The following RYR1 variants were observed in gnomAD, a reference collection of about 807,000 sequenced individuals.
RYR1 encodes ryanodine receptor 1.
A neutral mutation model predicts 583.5 loss-of-function variants in RYR1; 342 were observed. The ratio of observed to expected loss-of-function variants is 0.59; its 90% CI spans 0.54 to 0.64. The LOEUF is 0.64. Among genes scored for constraint, RYR1 ranks in the 30% least tolerant of loss-of-function variants. The pLI, the probability that RYR1 is intolerant of heterozygous loss-of-function variation, is 0.00. For synonymous variants in RYR1, 2,791 were observed against 2,822.5 expected (o/e 0.99, Z 0.35); for missense variants, 6,032 against 6,917.2 (o/e 0.87, Z 4.54).
chr19:38,546,429 G>C lies in RYR1; in HGVS notation c.12013-16G>C. The C allele has an allele frequency of 6.2e-7, 1 of 1,612,624 alleles. No individual in the cohort carries two copies. The highest frequency in any genetic ancestry group is 1.1e-5 in the South Asian group (1 of 91,042). ...GTGTATGCTGAGACCAGCCCTCACC[G>C]AGCTGGGATCTCTAGGACTCAAGCC... On this transcript the variant is annotated splice_polypyrimidine_tract_variant and intron_variant, in intron 87 of 105. Transcript: ENST00000359596.
At position 38,543,368 on chromosome 19, in the gene RYR1, C is replaced by T; in HGVS notation, c.11711C>T (p.Thr3904Ile). 6.2e-7 allele frequency: 1 copy of T among 1,614,214 alleles called. No individual in the cohort carries two copies. Among genetic ancestry groups the T allele is most frequent in the Non-Finnish European group, 8.5e-7 (1 of 1,180,050 alleles). Reference sequence around the variant, plus strand: ...CCAGATTTCCAGAACTACCTACGGACACAGACAGGGAACACGACCACTATT... The same window carrying T: ...CCAGATTTCCAGAACTACCTACGGATACAGACAGGGAACACGACCACTATT... ...HNNDFQNYLR[T>I]QTGNTTTINI... Residue 3904 changes from threonine to isoleucine, a missense_variant, in exon 85 of 106, where the codon ACA (threonine) becomes ATA (isoleucine). Thr to Ile is a moderately conservative substitution (Grantham distance 89). Coordinates refer to ENST00000359596, the MANE Select transcript of RYR1 (RefSeq NM_000540.3). This position sits in a 1 kb window ranked among gnomAD's most constrained non-coding sequence, Gnocchi z 4.4.
chr19:38,447,306 C>T (rs558646905), intron 9 of RYR1, among the ~76,000 whole-genome samples: 6 of 152,078 alleles, frequency 3.9e-5, no homozygotes, highest in Admixed American at 2.6e-4. Context: ...TTTGGGAGGC[C>T]GAGGCAGGTG....
chr19:38,532,795 TC>T, intron 78 of RYR1, 59 bp downstream of exon 78: 1 of 1,520,132 alleles, frequency 6.6e-7, no homozygotes. Context: ...TGCAGTCATC[TC>T]CCATTCATTC....
intron 65 of RYR1, among the ~76,000 whole-genome samples, chr19:38,516,842 A>T (rs1156333003): frequency 6.6e-6 from 1 of 152,200 alleles, no homozygotes; most frequent in Non-Finnish European, 1.5e-5. Flanking sequence ...TCCAGAGGCT[A>T]GAATGAGGTG....
At chr19:38,513,713 G>A (rs1303933314) in intron 63 of RYR1, among the ~76,000 whole-genome samples, 1 of 151,412 alleles carries the variant, frequency 6.6e-6, no homozygotes, top group African/African-American at 2.4e-5. Flanking sequence ...TCCAGCTTGG[G>A]CGACAGAGCA....
intron 25 of RYR1, 77 bp downstream of exon 25, chr19:38,467,889 G>A: frequency 1.4e-6 from 2 of 1,418,706 alleles, no homozygotes; most frequent in Non-Finnish European, 2.0e-6. Flanking sequence ...CCCTGCCTCT[G>A]TCTGTGCCTC....
At chr19:38,563,074 T>C (rs905649155) in intron 90 of RYR1, among the ~76,000 whole-genome samples, 12 of 152,136 alleles carry the variant, frequency 7.9e-5, no homozygotes, top group African/African-American at 2.9e-4. Context: ...CTGGGGGAGC[T>C]CTGCCCTCCT....
At chr19:38,566,881 A>G in intron 91 of RYR1, 30 bp from the exon 92 acceptor site, 3 of 1,588,842 alleles carry the variant, frequency 1.9e-6, no homozygotes, top group Non-Finnish European at 2.6e-6. Context: ...TAGGGTGAGG[A>G]CTCAGCCCTG....
intron 13 of RYR1, 90 bp from the exon 14 acceptor site, chr19:38,455,145 T>G: frequency 6.8e-7 from 1 of 1,462,662 alleles, no homozygotes; most frequent in Non-Finnish European, 9.6e-7. Flanking sequence ...CACTAGTTGT[T>G]GAAGGAATAT....
Position 38,543,749 on chromosome 19 carries a change from C to CCA in RYR1, c.11908-22_11908-21insCA. On this transcript the variant is annotated intron_variant, in intron 86 of 105. Coordinates refer to ENST00000359596, the MANE Select transcript of RYR1 (RefSeq NM_000540.3). This position sits in a 1 kb window ranked among gnomAD's most constrained non-coding sequence, Gnocchi z 4.4. ...CCTTCTCGGGGATTCCCTTCCCCCC[C>CCA]ACACGGCACTCTGCCTCCCAGGGTC... 1 of 1,611,780 alleles carries CCA rather than the reference C, an allele frequency of 6.2e-7. No individual in the cohort carries two copies. Among genetic ancestry groups the CCA allele is most frequent in the Admixed American group, 1.7e-5 (1 of 60,016 alleles).
At chr19:38,477,569 G>A in intron 29 of RYR1, 141 bp from the exon 30 acceptor site, 1 of 943,024 alleles carries the variant, frequency 1.1e-6, no homozygotes. Context: ...GACATAACCA[G>A]GGGGTGGGGG....
intron 27 of RYR1, among the ~76,000 whole-genome samples, chr19:38,472,746 C>T (rs902358141): frequency 6.7e-6 from 1 of 149,452 alleles, no homozygotes; most frequent in Non-Finnish European, 1.5e-5. Flanking sequence ...GGCGTGTTGG[C>T]TCATGCTTGA....
intron 47 of RYR1, 45 bp from the exon 48 acceptor site, chr19:38,502,462 C>A: frequency 6.4e-7 from 1 of 1,557,180 alleles, no homozygotes; most frequent in Non-Finnish European, 8.7e-7. Flanking sequence ...CCAGAGCAGC[C>A]CCAGGGGTGT....
intron 90 of RYR1, among the ~76,000 whole-genome samples, chr19:38,562,610 T>C (rs1181818047): frequency 6.6e-6 from 1 of 152,146 alleles, no homozygotes; most frequent in Non-Finnish European, 1.5e-5. Flanking sequence ...CACAGAGCCC[T>C]GTCCTCATGT....
Position 38,584,989 on chromosome 19 carries a change from T to C in RYR1, c.14693T>C (p.Ile4898Thr), listed in dbSNP as rs118192170. Residue 4898 changes from isoleucine to threonine, a missense_variant, in exon 102 of 106, where the codon ATT becomes ACT. Physicochemically the swap from Ile to Thr is moderately conservative, Grantham distance 89 (BLOSUM62 -1). This residue lies in a region of RYR1 where 189 missense variants were observed against 350.3 expected (regional missense o/e 0.54). Transcript: ENST00000359596. ...MYVGVRAGGG[I>T]GDEIEDPAGD... ...GTGGGTGTCCGGGCTGGCGGAGGCA[T>C]TGGGGACGAGATCGAGGACCCCGCG... 1 of 1,614,012 alleles carries C rather than the reference T, an allele frequency of 6.2e-7. No homozygotes were observed. The highest frequency in any genetic ancestry group is 8.5e-7 in the Non-Finnish European group (1 of 1,179,980).
At position 38,469,033 on chromosome 19, in the gene RYR1, G is replaced by A. The variant is rs1180657676; in HGVS notation, c.3449G>A (p.Cys1150Tyr). 2 of 1,614,174 alleles carry A rather than the reference G, an allele frequency of 1.2e-6. No homozygotes were observed. The highest frequency in any genetic ancestry group is 1.3e-5 in the African/African-American group (1 of 75,048). The part of the protein sequence containing the change: ...RPWQPGDVVG[C>Y]MIDLTENTII... ...TGGCAGCCGGGCGATGTCGTTGGCT[G>A]TATGATCGACCTCACAGAGAACACC... The change falls in exon 26 of 106, where the codon TGT (cysteine) becomes TAT (tyrosine). Residue 1150 changes from cysteine to tyrosine, a missense_variant. By Grantham distance (194) the Cys-to-Tyr change is radical (BLOSUM62 -2). Around this residue, in one of 11 missense-constraint regions of RYR1, gnomAD observed 2,627 missense variants for 2,961.3 expected, o/e 0.89. Transcript: ENST00000359596.
At chr19:38,435,484 C>T (rs1184227830) in intron 1 of RYR1, among the ~76,000 whole-genome samples, 2 of 152,194 alleles carry the variant, frequency 1.3e-5, no homozygotes, top group Non-Finnish European at 2.9e-5. Context: ...GTAATCTCAG[C>T]ACTTTGGGAG....
At chr19:38,480,671 A>G (rs1395576154) in intron 31 of RYR1, among the ~76,000 whole-genome samples, 1 of 152,136 alleles carries the variant, frequency 6.6e-6, no homozygotes, top group Admixed American at 6.5e-5. Flanking sequence ...GTTGTCCCCA[A>G]AATGTCATTT....
intron 81 of RYR1, 147 bp downstream of exon 81, chr19:38,535,539 T>A: frequency 1.4e-6 from 1 of 725,952 alleles, no homozygotes; most frequent in Middle Eastern, 3.1e-4. Flanking sequence ...GAATTTATTA[T>A]AAGAATTAAT....
Sources: gnomAD v4.1 joint callset for allele counts (sites outside exome capture counted in the v4.1 genomes callset) on GRCh38, gnomAD v4.1.1 for gene constraint, gnomAD v4.1.1 regional missense constraint, Gnocchi (gnomAD v3.1) non-coding constraint, MANE v1.5 for transcripts, NCBI Gene and HGNC (gene_info 2026-07-23, HGNC 2026-07-21) for gene names.